Variants in DOT1L observed in about 807,000 individuals in gnomAD.
DOT1L encodes DOT1 like histone lysine methyltransferase.
Under a neutral mutation model 153.3 loss-of-function variants are expected in DOT1L, and 33 were observed. That is an observed-to-expected ratio of 0.22 (90% CI 0.16 to 0.29). The LOEUF (loss-of-function observed/expected upper bound fraction) is 0.29, where lower values mean the gene tolerates loss of function less well. Among genes scored for constraint, DOT1L ranks in the 10% least tolerant of loss-of-function variants. The probability of loss-of-function intolerance (pLI) is 1.00; values close to 1 mark genes in which losing one functional copy is unlikely to be tolerated. For missense variants in DOT1L, 1,847 were observed against 2,119.9 expected (o/e 0.87, Z 2.53); for synonymous variants, 1,135 against 965.1 (o/e 1.18, Z -3.26).
rs1049849347 is a variant in DOT1L, at chr19:2,231,632, C to T, written c.*1840C>T. 1 of 213,126 alleles carries T rather than the reference C, an allele frequency of 4.7e-6. No homozygotes were observed. The highest frequency in any genetic ancestry group is 2.3e-5 in the African/African-American group (1 of 44,068). The allele number at this position is 213,126 out of a possible 1,614,324, so 13.2% of individuals were successfully genotyped here. ...TGCTCTCAGCTAGAAGGTGCTGTGCCTCTGCCTGAGCCCCAAGCCCCGAGC... is the reference window on the plus strand; with the variant it reads ...TGCTCTCAGCTAGAAGGTGCTGTGCTTCTGCCTGAGCCCCAAGCCCCGAGC... On this transcript the variant is annotated 3_prime_UTR_variant, in exon 28 of 28. Coordinates refer to ENST00000398665, the MANE Select transcript of DOT1L (RefSeq NM_032482.3).
Position 2,220,530 on chromosome 19 carries a change from T to G in DOT1L, c.2806+308T>G. ...TCTCGGGGGCTCCTGTACTCACAGC[T>G]GGGAGGCCCCTGACTCAGGATCGGC... On this transcript the variant is annotated intron_variant, in intron 23 of 27. Transcript: ENST00000398665. This position sits in a 1 kb window ranked among gnomAD's most constrained non-coding sequence, Gnocchi z 4.5. 2.0e-6 allele frequency: 1 copy of G among 499,114 alleles called. No homozygotes were observed. The highest frequency in any genetic ancestry group is 3.9e-6 in the Non-Finnish European group (1 of 254,930). The allele number at this position is 499,114 out of a possible 1,614,324, so 30.9% of individuals were successfully genotyped here.
At chr19:2,195,438 C>CCCA (rs1302440479) in intron 7 of DOT1L, among the ~76,000 whole-genome samples, 1 of 152,140 alleles carries the variant, frequency 6.6e-6, no homozygotes, top group African/African-American at 2.4e-5. Context: ...TGCTCTGTCT[C>CCCA]CCAGCGACGT....
At chr19:2,213,374 C>T (rs1424466346) in intron 16 of DOT1L, 165 bp from the exon 17 acceptor site, 11 of 631,088 alleles carry the variant, frequency 1.7e-5, no homozygotes, top group Admixed American at 9.0e-5. Flanking sequence ...CCCCTCCCGC[C>T]GTGGCCTGAG....
intron 9 of DOT1L, among the ~76,000 whole-genome samples, chr19:2,205,218 G>T (rs1302396130): frequency 6.6e-6 from 1 of 152,084 alleles, no homozygotes; most frequent in African/African-American, 2.4e-5. Context: ...TGATCTCCCT[G>T]CCTCGGCCTC....
intron 7 of DOT1L, among the ~76,000 whole-genome samples, chr19:2,198,719 C>T (rs994459753): frequency 6.6e-6 from 1 of 152,192 alleles, no homozygotes; most frequent in Non-Finnish European, 1.5e-5. Flanking sequence ...TGCCCTCACC[C>T]CCAACTACTC....
chr19:2,201,914 G>A (rs1204830251), intron 8 of DOT1L, among the ~76,000 whole-genome samples: 1 of 152,242 alleles, frequency 6.6e-6, no homozygotes, highest in Non-Finnish European at 1.5e-5. Context: ...CCCACTGGTT[G>A]TGGGATCTTG....
intron 25 of DOT1L, among the ~76,000 whole-genome samples, chr19:2,224,355 G>A (rs1173400927): frequency 2.0e-5 from 3 of 152,194 alleles, no homozygotes; most frequent in Non-Finnish European, 2.9e-5. Flanking sequence ...ATGGGTGCAC[G>A]AGGGTCTGAG....
At chr19:2,206,597 A>T in intron 9 of DOT1L, 132 bp from the exon 10 acceptor site, 23 of 677,372 alleles carry the variant, frequency 3.4e-5, no homozygotes, top group Non-Finnish European at 4.5e-5. Context: ...TGTTGCTTGT[A>T]GGCAGGTGGA....
At chr19:2,178,642 C>T (rs932063655) in intron 1 of DOT1L, among the ~76,000 whole-genome samples, 1 of 152,088 alleles carries the variant, frequency 6.6e-6, no homozygotes, top group African/African-American at 2.4e-5. Flanking sequence ...TGGTCTTGAT[C>T]TCCTGACCTT....
intron 25 of DOT1L, 76 bp downstream of exon 25, chr19:2,223,562 G>A: frequency 8.8e-6 from 3 of 341,292 alleles, no homozygotes; most frequent in Non-Finnish European, 1.1e-5. Flanking sequence ...GTGTGTGTGG[G>A]TGGGTGGGTG....
intron 1 of DOT1L, among the ~76,000 whole-genome samples, chr19:2,174,219 C>T (rs1167118180): frequency 6.6e-6 from 1 of 152,214 alleles, no homozygotes; most frequent in Admixed American, 6.5e-5. Flanking sequence ...CGGGCAGCAC[C>T]GTCTTCCTCC....
At chr19:2,183,354 A>G (rs1011653906) in intron 2 of DOT1L, among the ~76,000 whole-genome samples, 1 of 152,082 alleles carries the variant, frequency 6.6e-6, no homozygotes, top group African/African-American at 2.4e-5. Flanking sequence ...TATTTTTAGT[A>G]GAGGCGAGGT....
In DOT1L at chr19:2,208,477, C is replaced by A. The variant is rs182763773; in HGVS notation, c.964-458C>A. ...CACTGCTCCCCCGAGGGCCCTGGGA[C>A]GAGAGGCATGGTGAGCTGAGGCTGA... On this transcript the variant is annotated intron_variant, in intron 11 of 27. Transcript: ENST00000398665. This position sits in a 1 kb window ranked among gnomAD's most constrained non-coding sequence, Gnocchi z 4.4. 6.6e-6 allele frequency among the ~76,000 whole-genome samples: 1 copy of A among 152,170 alleles called. No homozygotes were observed. The highest frequency in any genetic ancestry group is 2.4e-5 in the African/African-American group (1 of 41,450).
Position 2,193,605 on chromosome 19 carries a change from G to C in DOT1L, c.494-84G>C. The C allele has an allele frequency of 7.4e-7, 1 of 1,346,608 alleles. No homozygotes were observed. Among genetic ancestry groups the C allele is most frequent in the African/African-American group, 1.4e-5 (1 of 69,804 alleles). 83.4% of individuals were successfully genotyped at this position (1,346,608 alleles called of 1,614,324 possible). A position where few individuals can be genotyped will look rare whatever the true frequency, so the allele number is the denominator to read the frequency against. On this transcript the variant is annotated intron_variant, in intron 5 of 27. Coordinates refer to ENST00000398665, the MANE Select transcript of DOT1L (RefSeq NM_032482.3). This position sits in a 1 kb window ranked among gnomAD's most constrained non-coding sequence, Gnocchi z 5.9. ...TGTGGGTCTTCATGGCCGCATTCTT[G>C]TGGCCTCTGTCTCCGAGCCTAGCAC...
chr19:2,181,028 C>T (rs1195071478), intron 2 of DOT1L, among the ~76,000 whole-genome samples: 4 of 152,168 alleles, frequency 2.6e-5, no homozygotes, highest in African/African-American at 9.6e-5. Flanking sequence ...TGTCAGTCTC[C>T]CTGCTGTGGG....
chr19:2,164,177 G>T lies in DOT1L; in HGVS notation c.-8G>T. ...GCCTAGCATGGTGCGGCGGCCGCGC[G>T]CGCGGACATGGGGGAGAAGCTGGAG... On this transcript the variant is annotated 5_prime_UTR_variant, in exon 1 of 28. Transcript: ENST00000398665. 2.5e-6 allele frequency: 3 copies of T among 1,190,084 alleles called. No homozygotes were observed. The highest frequency in any genetic ancestry group is 3.1e-6 in the Non-Finnish European group (3 of 959,584). The allele number at this position is 1,190,084 out of a possible 1,614,324, so 73.7% of individuals were successfully genotyped here. A position where few individuals can be genotyped will look rare whatever the true frequency, so the allele number is the denominator to read the frequency against.
rs1332990414 is a variant in DOT1L, at chr19:2,224,141, C to T, written c.3596+655C>T. Among the ~76,000 whole-genome samples, 10 of 152,338 alleles carry T rather than the reference C, an allele frequency of 6.6e-5. No homozygotes were observed. In the East Asian group the frequency reaches 9.7e-4, roughly 15 times the overall value. On this transcript the variant is annotated intron_variant, in intron 25 of 27. Coordinates refer to ENST00000398665, the MANE Select transcript of DOT1L (RefSeq NM_032482.3). The stretch of plus-strand genomic sequence containing the variant: ...CTCAAGGTGCATCCTCGGTCCCTGT[C>T]GTGGCTGGGTGGTGCTCCACCATCC...
chr19:2,218,825 T>A (rs1468428124), intron 22 of DOT1L, among the ~76,000 whole-genome samples: 1 of 151,974 alleles, frequency 6.6e-6, no homozygotes, highest in African/African-American at 2.4e-5. Context: ...GCCTCCCGAG[T>A]AGCTGGGATT....
At chr19:2,210,964 G>C in intron 14 of DOT1L, 109 bp downstream of exon 14, 1 of 1,474,564 alleles carries the variant, frequency 6.8e-7, no homozygotes. Flanking sequence ...GGTGTCCCTG[G>C]AGCCTCCCTG....
Sources: gnomAD v4.1 joint callset for allele counts (sites outside exome capture counted in the v4.1 genomes callset) on GRCh38, gnomAD v4.1.1 for gene constraint, Gnocchi (gnomAD v3.1) non-coding constraint, MANE v1.5 for transcripts, NCBI Gene and HGNC (gene_info 2026-07-23, HGNC 2026-07-21) for gene names.